NEMF: variants seen among roughly 807,000 people sequenced by gnomAD.
NEMF encodes ribosome quality control complex subunit NEMF.
In NEMF, 89 loss-of-function variants were observed where a neutral mutation model predicts 162.2. The ratio of observed to expected loss-of-function variants is 0.55; its 90% CI spans 0.46 to 0.65. The LOEUF (loss-of-function observed/expected upper bound fraction) is 0.65, where lower values mean the gene tolerates loss of function less well. Ranked by LOEUF, NEMF falls within the 30% of genes least tolerant of loss-of-function variation. NEMF has a pLI of 0.00. For missense variants in NEMF, 1,133 were observed against 1,261.9 expected (o/e 0.90, Z 1.55); for synonymous variants, 421 against 404.5 (o/e 1.04, Z -0.49).
chr14:49,839,573 C>T (rs1893090008), intron 5 of NEMF: 1 of 152,228 alleles, frequency 6.6e-6, no homozygotes. Context: ...CACCGAACTT[C>T]CCTTTTTCTT....
intron 28 of NEMF, chr14:49,787,235 AACTG>A (rs113584266): frequency 1.2e-3 from 197 of 163,010 alleles, no homozygotes; most frequent in African/African-American, 4.5e-3. Flanking sequence ...ATCTGGAGAT[AACTG>A]ACTGTCTCAG....
chr14:49,818,728 G>A (rs1594766355), intron 16 of NEMF, among the ~76,000 whole-genome samples: 1 of 152,098 alleles, frequency 6.6e-6, no homozygotes, highest in East Asian at 1.9e-4. Flanking sequence ...CAGCAAATAA[G>A]TAAATGAATT....
rs1892530568 is a variant in NEMF at position 49,829,439 on chromosome 14, A to G, written c.946-13T>C. The G allele has an allele frequency of 1.9e-6, 3 of 1,608,626 alleles. No homozygotes were observed. The highest frequency in any genetic ancestry group is 3.3e-5 in the Admixed American group (2 of 59,774). On this transcript the variant is annotated splice_polypyrimidine_tract_variant and intron_variant, in intron 11 of 32. Coordinates refer to ENST00000298310, the MANE Select transcript of NEMF (RefSeq NM_004713.6). The stretch of plus-strand genomic sequence containing the variant: ...ATGCTTGCTTTTCCTTTTATTGGCA[A>G]AACAGATTTTTTAAAAATTAGATTT...
At chr14:49,850,396 G>A (rs1308303498) in intron 3 of NEMF, among the ~76,000 whole-genome samples, 3 of 152,106 alleles carry the variant, frequency 2.0e-5, no homozygotes, top group African/African-American at 7.2e-5. Context: ...TCTGTTTTAG[G>A]TGTTTTATAT....
intron 5 of NEMF, chr14:49,839,587 T>G (rs1402061714): frequency 6.6e-6 from 1 of 152,264 alleles, no homozygotes; most frequent in Non-Finnish European, 1.5e-5. Flanking sequence ...TTTTCTTACG[T>G]AAACCAGAAT....
At chr14:49,792,970 C>T (rs1411152101) in intron 26 of NEMF, among the ~76,000 whole-genome samples, 1 of 152,100 alleles carries the variant, frequency 6.6e-6, no homozygotes, top group Non-Finnish European at 1.5e-5. Context: ...AACAGAGTGA[C>T]ACCCTGTCTC....
rs1890664702 is a variant in NEMF at position 49,795,791 on chromosome 14, C to T, written c.2619G>A (p.Lys873=). 6 of 1,607,794 alleles carry T rather than the reference C, an allele frequency of 3.7e-6. No individual in the cohort carries two copies. In the East Asian group the frequency reaches 1.3e-4, roughly 36 times the overall value. ...CCATATAGATCATCCTGAAGTTTAC[C>T]TTTTGTCCTCGTTTCATTGGCTGCA... The part of the protein sequence containing the change: ...AAVQPMKRGQ[K]SKMKKMKEKY... The change falls in exon 26 of 33, where the codon AAG becomes AAA. Residue 873 remains lysine, a splice_region_variant and synonymous_variant. Coordinates refer to ENST00000298310, the MANE Select transcript of NEMF (RefSeq NM_004713.6).
chr14:49,823,941 G>C (rs1892211659), intron 16 of NEMF, among the ~76,000 whole-genome samples: 1 of 152,120 alleles, frequency 6.6e-6, no homozygotes, highest in Non-Finnish European at 1.5e-5. Context: ...GGCTGAGGCG[G>C]GCAGATCACT....
At position 49,784,931 on chromosome 14, in the gene NEMF, G is replaced by A. The variant is rs779919280; in HGVS notation, c.3147C>T (p.Ser1049=). 4.3e-6 allele frequency: 7 copies of A among 1,612,608 alleles called. No individual in the cohort carries two copies. The highest frequency in any genetic ancestry group is 2.7e-5 in the African/African-American group (2 of 74,840). The change falls in exon 32 of 33, where the codon AGC becomes AGT. Residue 1049 remains serine, a synonymous_variant. Coordinates refer to ENST00000298310, the MANE Select transcript of NEMF (RefSeq NM_004713.6). The part of the protein sequence containing the change: ...ATAREKDLFR[S]VKDTDLSRNI... Reference sequence around the variant, plus strand: ...TTCTGAAGGAGAACTTTACCTTTACGCTGCGGAATAAGTCTTTTTCTCTTG... The same window carrying A: ...TTCTGAAGGAGAACTTTACCTTTACACTGCGGAATAAGTCTTTTTCTCTTG...
Position 49,784,594 on chromosome 14 carries a change from A to T in NEMF, c.*42T>A. 1 of 1,408,440 alleles carries T rather than the reference A, an allele frequency of 7.1e-7. No individual in the cohort carries two copies. The highest frequency in any genetic ancestry group is 1.2e-5 in the South Asian group (1 of 82,912). 87.2% of individuals were successfully genotyped at this position (1,408,440 alleles called of 1,614,324 possible). On this transcript the variant is annotated 3_prime_UTR_variant, in exon 33 of 33. Coordinates refer to ENST00000298310, the MANE Select transcript of NEMF (RefSeq NM_004713.6). ...TTCATCTTTGAACTTCCAAAAGGCT[A>T]TAAAATTGGCTCTTCTCAAATATTT...
At chr14:49,806,228 A>ATGTGTGTGTG (rs1555346800) in intron 18 of NEMF, 95 bp from the exon 19 acceptor site, 6 of 142,578 alleles carry the variant, frequency 4.2e-5, no homozygotes, top group South Asian at 5.3e-5. Flanking sequence ...GGTCAATGAT[A>ATGTGTGTGTG]TGTGTATATA....
chr14:49,826,491 AC>A (rs1303419296), intron 15 of NEMF, among the ~76,000 whole-genome samples: 3 of 151,484 alleles, frequency 2.0e-5, no homozygotes, highest in Non-Finnish European at 2.9e-5. Flanking sequence ...TGAATCCTCA[AC>A]GACTAACGGG....
chr14:49,787,051 G>A (rs1890211444), intron 28 of NEMF: 1 of 236,762 alleles, frequency 4.2e-6, no homozygotes. Flanking sequence ...AGCAGCAAAA[G>A]TTACAAGTAC....
intron 6 of NEMF, among the ~76,000 whole-genome samples, chr14:49,836,905 A>G (rs541747516): frequency 6.6e-6 from 1 of 152,332 alleles, no homozygotes; most frequent in African/African-American, 2.4e-5. Flanking sequence ...ACAATATTTT[A>G]AATAATTCTG....
chr14:49,823,484 G>T (rs1348902130), intron 16 of NEMF, among the ~76,000 whole-genome samples: 1 of 151,628 alleles, frequency 6.6e-6, no homozygotes, highest in African/African-American at 2.4e-5. Flanking sequence ...TTAAAAACAT[G>T]ATAGGAAGTA....
At chr14:49,844,194 G>C (rs558582698) in intron 4 of NEMF, among the ~76,000 whole-genome samples, 16 of 152,062 alleles carry the variant, frequency 1.1e-4, no homozygotes, top group South Asian at 4.2e-4. Context: ...TTCCATGGAT[G>C]GGGGGTGCAG....
At chr14:49,809,432 G>A (rs933679021) in intron 18 of NEMF, among the ~76,000 whole-genome samples, 7 of 152,290 alleles carry the variant, frequency 4.6e-5, no homozygotes, top group African/African-American at 4.8e-5. Context: ...AGTGGTTGTC[G>A]GGGGTTGGGG....
At chr14:49,790,956 G>A (rs1333848607) in intron 26 of NEMF, among the ~76,000 whole-genome samples, 3 of 152,078 alleles carry the variant, frequency 2.0e-5, no homozygotes, top group Non-Finnish European at 2.9e-5. Flanking sequence ...TCATGCTATT[G>A]CACTCCAACC....
rs113116870 is a variant in NEMF, at chr14:49,795,685, CAG to C, written c.2619+104_2619+105del. On this transcript the variant is annotated intron_variant, in intron 26 of 32. Transcript: ENST00000298310. The stretch of plus-strand genomic sequence containing the variant: ...TAATTTTTAGTCAAAGGAAATCACA[CAG>C]GATTATTTTTTGGCCTACATTTTCT... 8.8e-6 allele frequency: 9 copies of C among 1,024,548 alleles called. No individual in the cohort carries two copies. In the African/African-American group the frequency reaches 9.7e-5, roughly 11 times the overall value. The allele number at this position is 1,024,548 out of a possible 1,614,324, so 63.5% of individuals were successfully genotyped here.
Sources: gnomAD v4.1 joint callset for allele counts (sites outside exome capture counted in the v4.1 genomes callset) on GRCh38, gnomAD v4.1.1 for gene constraint, MANE v1.5 for transcripts, NCBI Gene and HGNC (gene_info 2026-07-23, HGNC 2026-07-21) for gene names.